The following KSR2 variants were observed in gnomAD, a reference collection of about 807,000 sequenced individuals.
KSR2 encodes kinase suppressor of ras 2.
KSR2 carries 25 observed loss-of-function variants against 107.8 expected under a neutral mutation model. That is an observed-to-expected ratio of 0.23 (90% CI 0.17 to 0.32). The LOEUF (loss-of-function observed/expected upper bound fraction) is 0.32. Among genes scored for constraint, KSR2 ranks in the 10% least tolerant of loss-of-function variants. The probability of loss-of-function intolerance (pLI) is 1.00; values close to 1 mark genes in which losing one functional copy is unlikely to be tolerated. For missense variants in KSR2, 887 were observed against 1,268.9 expected, an observed-to-expected ratio of 0.70 and a Z score of 4.57; for synonymous variants, 480 against 507.0, an observed-to-expected ratio of 0.95 and a Z score of 0.71.
intron 5 of KSR2, among the ~76,000 whole-genome samples, chr12:117,655,781 G>A (rs2136448707): frequency 6.6e-6 from 1 of 152,290 alleles, no homozygotes; most frequent in African/African-American, 2.4e-5. Flanking sequence ...GCTGGCTGGG[G>A]TGAATGACCC....
At chr12:117,843,605 G>A (rs1892580763) in intron 3 of KSR2, among the ~76,000 whole-genome samples, 1 of 152,224 alleles carries the variant, frequency 6.6e-6, no homozygotes, top group Non-Finnish European at 1.5e-5. Flanking sequence ...GAGTAACATG[G>A]GTTGAAGGCA....
intron 1 of KSR2, among the ~76,000 whole-genome samples, chr12:117,928,709 G>A (rs1438512959): frequency 6.6e-6 from 1 of 152,110 alleles, no homozygotes; most frequent in Non-Finnish European, 1.5e-5. Flanking sequence ...AGATCATATG[G>A]CAATTCTACA....
intron 4 of KSR2, among the ~76,000 whole-genome samples, chr12:117,697,477 C>T (rs766004100): frequency 2.0e-4 from 31 of 152,280 alleles, no homozygotes; most frequent in African/African-American, 3.8e-4. Flanking sequence ...GCGCTGTGGC[C>T]CATGCCTGTA....
intron 4 of KSR2, among the ~76,000 whole-genome samples, chr12:117,742,585 AG>A (rs34463467): frequency 0.35 from 52,819 of 151,994 alleles, 9,660 homozygotes; most frequent in South Asian, 0.44. Flanking sequence ...GACAGATAAA[AG>A]GGTAAAGTGG....
intron 18 of KSR2, 93 bp downstream of exon 18, chr12:117,471,098 C>G (rs1871426625): frequency 6.7e-7 from 1 of 1,489,862 alleles, no homozygotes; most frequent in Non-Finnish European, 9.0e-7. Flanking sequence ...TATGGGAAAG[C>G]ATTTGTAACC....
At chr12:117,765,694 G>A (rs1889201371) in intron 3 of KSR2, among the ~76,000 whole-genome samples, 1 of 152,160 alleles carries the variant, frequency 6.6e-6, no homozygotes, top group African/African-American at 2.4e-5. Context: ...TATATGTAGT[G>A]ATAGTAAGTC....
At chr12:117,799,455 C>T (rs1183756790) in intron 3 of KSR2, among the ~76,000 whole-genome samples, 2 of 150,496 alleles carry the variant, frequency 1.3e-5, no homozygotes, top group African/African-American at 2.5e-5. Flanking sequence ...GAGCCGAGAT[C>T]GCATCACTGC....
intron 1 of KSR2, among the ~76,000 whole-genome samples, chr12:117,878,779 C>T (rs1468195068): frequency 6.6e-6 from 1 of 152,202 alleles, no homozygotes; most frequent in Non-Finnish European, 1.5e-5. Flanking sequence ...GCAGCAATTG[C>T]TAAGCAGCTT....
intron 1 of KSR2, among the ~76,000 whole-genome samples, chr12:117,867,736 C>T (rs1893523479): frequency 1.3e-5 from 2 of 152,200 alleles, no homozygotes; most frequent in South Asian, 4.1e-4. Flanking sequence ...TGGCTATTGG[C>T]TATAAGTGAG....
chr12:117,508,370 C>A (rs1051728090), intron 14 of KSR2, among the ~76,000 whole-genome samples: 2 of 152,236 alleles, frequency 1.3e-5, no homozygotes, highest in Admixed American at 1.3e-4. Flanking sequence ...CACTCACAAA[C>A]TTCTAGCACC....
chr12:117,811,555 G>A (rs113943415), intron 3 of KSR2, among the ~76,000 whole-genome samples: 91 of 152,286 alleles, frequency 6.0e-4, no homozygotes, highest in African/African-American at 2.1e-3. Context: ...GAGAAGAACT[G>A]CTTCCCATTA....
chr12:117,715,569 G>T (rs935938824), intron 4 of KSR2, among the ~76,000 whole-genome samples: 1 of 152,208 alleles, frequency 6.6e-6, no homozygotes, highest in Non-Finnish European at 1.5e-5. Context: ...GTTGTTTAAA[G>T]AAGTTATTAT....
At chr12:117,860,151 C>T (rs980301378) in intron 2 of KSR2, 140 bp downstream of exon 2, 38 of 813,992 alleles carry the variant, frequency 4.7e-5, no homozygotes, top group Admixed American at 1.4e-4. Flanking sequence ...TGAATGTTTT[C>T]GTCCAGCACA....
At chr12:117,470,613 C>G (rs1412598943) in intron 18 of KSR2, among the ~76,000 whole-genome samples, 1 of 152,180 alleles carries the variant, frequency 6.6e-6, no homozygotes, top group Non-Finnish European at 1.5e-5. Flanking sequence ...CCTTCAAAGT[C>G]AGAGGAGAAA....
At chr12:117,687,879 T>C (rs1246881481) in intron 4 of KSR2, among the ~76,000 whole-genome samples, 7 of 152,142 alleles carry the variant, frequency 4.6e-5, no homozygotes, top group African/African-American at 1.7e-4. Context: ...AAGTCATCCC[T>C]GCTACTTAGA....
chr12:117,616,095 T>A (rs1402810879), intron 5 of KSR2, among the ~76,000 whole-genome samples: 1 of 147,736 alleles, frequency 6.8e-6, no homozygotes, highest in African/African-American at 2.5e-5. Flanking sequence ...AGGTTGAGGC[T>A]GCAGTGAGCC....
At chr12:117,554,868 T>A (rs1439746982) in intron 9 of KSR2, among the ~76,000 whole-genome samples, 1 of 152,016 alleles carries the variant, frequency 6.6e-6, no homozygotes, top group East Asian at 1.9e-4. Context: ...GCAAGTGAGG[T>A]CTGGACCACT....
chr12:117,869,968 G>A (rs1893598168), intron 1 of KSR2, among the ~76,000 whole-genome samples: 1 of 152,198 alleles, frequency 6.6e-6, no homozygotes, highest in Non-Finnish European at 1.5e-5. Flanking sequence ...CTACAAACAG[G>A]AAGACTGAAA....
chr12:117,637,674 G>GGTTTTT (rs1771143300), intron 5 of KSR2, among the ~76,000 whole-genome samples: 1 of 37,380 alleles, frequency 2.7e-5, no homozygotes, highest in Admixed American at 3.3e-4. Context: ...GTCAGTTTTG[G>GGTTTTT]GTTTTTTTTT....
Sources: gnomAD v4.1 joint callset for allele counts (sites outside exome capture counted in the v4.1 genomes callset) on GRCh38, gnomAD v4.1.1 for gene constraint, MANE v1.5 for transcripts, NCBI Gene and HGNC (gene_info 2026-07-23, HGNC 2026-07-21) for gene names.